The following PIK3CB variants were observed in gnomAD, a reference collection of about 807,000 sequenced individuals.
PIK3CB encodes phosphatidylinositol-4,5-bisphosphate 3-kinase catalytic subunit beta, also known as phosphatidylinositol 4,5-bisphosphate 3-kinase catalytic subunit beta isoform.
PIK3CB carries 39 observed loss-of-function variants against 136.8 expected under a neutral mutation model. The observed-to-expected ratio is 0.29, with a 90% confidence interval of 0.22 to 0.37. The LOEUF (loss-of-function observed/expected upper bound fraction) is 0.37. PIK3CB is among the 10% of genes least tolerant of loss of function. The pLI is 1.00. For missense variants in PIK3CB, 868 were observed against 1,275.4 expected (o/e 0.68, Z 4.87); for synonymous variants, 428 against 436.6 (o/e 0.98, Z 0.25).
chr3:138,788,959 CGTCTCAAAAA>C (rs1559879130), intron 2 of PIK3CB, among the ~76,000 whole-genome samples: 2 of 91,152 alleles, frequency 2.2e-5, no homozygotes, highest in Non-Finnish European at 3.7e-5. Flanking sequence ...AGAGAGACTT[CGTCTCAAAAA>C]AAAAAAAAAA....
intron 1 of PIK3CB, among the ~76,000 whole-genome samples, chr3:138,815,139 CAAAA>C (rs71637082): frequency 2.6e-5 from 1 of 38,148 alleles, no homozygotes; most frequent in African/African-American, 1.3e-4. Flanking sequence ...GACTCCGTCT[CAAAA>C]AAAAAAAAAA....
chr3:138,657,933 C>G, intron 21 of PIK3CB, 98 bp from the exon 22 acceptor site: 1 of 1,139,896 alleles, frequency 8.8e-7, no homozygotes, highest in Non-Finnish European at 1.2e-6. Flanking sequence ...GAACTATACC[C>G]ATCCACATCT....
At chr3:138,694,942 G>C in intron 13 of PIK3CB, 35 bp from the exon 14 acceptor site, 3 of 1,572,760 alleles carry the variant, frequency 1.9e-6, no homozygotes, top group Non-Finnish European at 2.6e-6. Flanking sequence ...AGAAATAATG[G>C]GGGACAAAAG....
chr3:138,720,823 G>A (rs1324797588), intron 8 of PIK3CB, among the ~76,000 whole-genome samples: 1 of 152,066 alleles, frequency 6.6e-6, no homozygotes, highest in Non-Finnish European at 1.5e-5. Flanking sequence ...AGCAGAGATT[G>A]TGCCACTGCA....
At chr3:138,760,201 G>A (rs2045644030) in intron 2 of PIK3CB, among the ~76,000 whole-genome samples, 1 of 152,134 alleles carries the variant, frequency 6.6e-6, no homozygotes, top group African/African-American at 2.4e-5. Context: ...GGGATTACAG[G>A]CGTGACCCAC....
At chr3:138,832,049 G>C (rs1190852168) in intron 1 of PIK3CB, among the ~76,000 whole-genome samples, 1 of 152,232 alleles carries the variant, frequency 6.6e-6, no homozygotes, top group African/African-American at 2.4e-5. Context: ...ACAGTGGCTA[G>C]CAGTAGTTCT....
intron 2 of PIK3CB, among the ~76,000 whole-genome samples, chr3:138,784,957 C>T (rs1040126614): frequency 2.6e-5 from 4 of 152,022 alleles, no homozygotes; most frequent in African/African-American, 9.6e-5. Flanking sequence ...GCGTCTCTGC[C>T]CGGCCACCCC....
At chr3:138,674,083 C>G (rs925396322) in intron 19 of PIK3CB, among the ~76,000 whole-genome samples, 1 of 151,680 alleles carries the variant, frequency 6.6e-6, no homozygotes, top group Non-Finnish European at 1.5e-5. Context: ...AACCAACAAG[C>G]TAACTGAAAG....
intron 5 of PIK3CB, among the ~76,000 whole-genome samples, chr3:138,739,126 A>G (rs2045181147): frequency 6.6e-6 from 1 of 152,132 alleles, no homozygotes; most frequent in African/African-American, 2.4e-5. Flanking sequence ...CAGAGTCCTC[A>G]TGAATGGGAT....
At chr3:138,692,074 T>G (rs1299054363) in intron 14 of PIK3CB, among the ~76,000 whole-genome samples, 1 of 152,168 alleles carries the variant, frequency 6.6e-6, no homozygotes, top group Non-Finnish European at 1.5e-5. Context: ...TTAACTGAGC[T>G]CAATTAATTA....
intron 8 of PIK3CB, among the ~76,000 whole-genome samples, chr3:138,722,378 G>C (rs1465625534): frequency 1.3e-5 from 2 of 151,798 alleles, no homozygotes; most frequent in Non-Finnish European, 2.9e-5. Context: ...AGGAATATCA[G>C]GATAAAAGTG....
intron 1 of PIK3CB, among the ~76,000 whole-genome samples, chr3:138,820,269 C>T (rs1239379791): frequency 6.6e-6 from 1 of 152,174 alleles, no homozygotes; most frequent in Non-Finnish European, 1.5e-5. Context: ...CAGTCAACCC[C>T]AGATGAGAAA....
Position 138,691,040 on chromosome 3 carries a change from C to T in PIK3CB, c.1996G>A (p.Gly666Ser). ...LSRFLLERAL[G>S]NRRIGQFLFW... ...AGAAACTGCCCTATCCTCCGATTAC[C>T]AAGTGCTCTTTCTAATAGGAATCTA... Residue 666 changes from glycine to serine, a missense_variant, in exon 15 of 24, where the codon GGT becomes AGT. Transcript: ENST00000674063. 1 of 1,613,014 alleles carries T rather than the reference C, an allele frequency of 6.2e-7. No individual in the cohort carries two copies. Among genetic ancestry groups the T allele is most frequent in the Non-Finnish European group, 8.5e-7 (1 of 1,179,114 alleles).
chr3:138,747,054 TTATATATATATATATATA>T lies in PIK3CB; in HGVS notation c.398-4291_398-4274del, dbSNP rs59299476. Reference sequence around the variant, plus strand: ...CAGTACATATCAAGCTATTCAGCCTTTATATATATATATATATATATATATATATATATATATATATAT... The same window carrying T: ...CAGTACATATCAAGCTATTCAGCCTTTATATATATATATATATATATATAT... On this transcript the variant is annotated intron_variant, in intron 4 of 23. Coordinates refer to ENST00000674063, the MANE Select transcript of PIK3CB (RefSeq NM_006219.3). Among the ~76,000 whole-genome samples the T allele has an allele frequency of 8.4e-3, 354 of 42,214 alleles. 3 individuals carry two copies. The highest frequency in any genetic ancestry group is 0.027 in the East Asian group (26 of 980). 27.7% of individuals were successfully genotyped at this position (42,214 alleles called of 152,430 possible). A position where few individuals can be genotyped will look rare whatever the true frequency, so the allele number is the denominator to read the frequency against.
intron 2 of PIK3CB, among the ~76,000 whole-genome samples, chr3:138,772,781 CTCT>C (rs1308289112): frequency 1.6e-5 from 2 of 127,480 alleles, no homozygotes; most frequent in Non-Finnish European, 3.3e-5. Context: ...GCTATTTATT[CTCT>C]TTTTTTTTTT....
At chr3:138,693,294 C>A (rs1250469695) in intron 14 of PIK3CB, among the ~76,000 whole-genome samples, 1 of 152,086 alleles carries the variant, frequency 6.6e-6, no homozygotes, top group African/African-American at 2.4e-5. Flanking sequence ...CGGGGCTTAA[C>A]CATGTTGCCA....
At chr3:138,787,417 C>T (rs1448087933) in intron 2 of PIK3CB, among the ~76,000 whole-genome samples, 2 of 149,622 alleles carry the variant, frequency 1.3e-5, no homozygotes, top group African/African-American at 4.9e-5. Context: ...AATTAAGACA[C>T]ATCATTTACA....
chr3:138,817,038 T>C (rs1313666546), intron 1 of PIK3CB, among the ~76,000 whole-genome samples: 1 of 139,254 alleles, frequency 7.2e-6, no homozygotes. Context: ...CCGTCTCTAC[T>C]AAAAATACAA....
intron 18 of PIK3CB, among the ~76,000 whole-genome samples, chr3:138,683,232 T>C (rs4894348): frequency 1.3e-5 from 2 of 151,700 alleles, no homozygotes; most frequent in Admixed American, 1.3e-4. Context: ...TGTGTGCCTG[T>C]AGTTCCAGCT....
Sources: allele counts gnomAD v4.1 joint callset (sites outside exome capture counted in the v4.1 genomes callset), GRCh38; gene constraint gnomAD v4.1.1; transcripts MANE v1.5; gene names NCBI Gene and HGNC (gene_info 2026-07-23, HGNC 2026-07-21).